MYO3A: variants seen among roughly 807,000 people sequenced by gnomAD.
The protein encoded by MYO3A is myosin IIIA, also known as myosin-IIIa.
Under a neutral mutation model 192.7 loss-of-function variants are expected in MYO3A, and 180 were observed. The observed-to-expected ratio is 0.93, with a 90% confidence interval of 0.83 to 1.06. MYO3A has a LOEUF of 1.06. Ranked by LOEUF, MYO3A falls within the 50% of genes least tolerant of loss-of-function variation. MYO3A has a pLI of 0.00. For missense variants in MYO3A, 1,896 were observed against 1,905.0 expected (o/e 1.00, Z 0.09); for synonymous variants, 628 against 645.3 (o/e 0.97, Z 0.41).
chr10:26,115,360 A>G (rs1838438279), intron 17 of MYO3A, among the ~76,000 whole-genome samples: 1 of 152,188 alleles, frequency 6.6e-6, no homozygotes, highest in African/African-American at 2.4e-5. Context: ...ATGCAACTAA[A>G]TGCAGGCAGT....
intron 10 of MYO3A, among the ~76,000 whole-genome samples, chr10:26,047,774 C>CAAAAAAAAAA (rs1423133061): frequency 6.6e-6 from 1 of 151,152 alleles, no homozygotes; most frequent in African/African-American, 2.5e-5. Flanking sequence ...GACTCCATCT[C>CAAAAAAAAAA]AATAAAAAAA....
intron 11 of MYO3A, 23 bp from the exon 12 acceptor site, chr10:26,068,745 G>A (rs759037270): frequency 7.0e-7 from 1 of 1,431,328 alleles, no homozygotes; most frequent in Non-Finnish European, 9.8e-7. Flanking sequence ...TTAAGAAGGA[G>A]AAATTATTTT....
rs1324359097 is a variant in MYO3A, at chr10:26,078,986, C to T, written c.1359+8585C>T. On this transcript the variant is annotated intron_variant, in intron 14 of 34. Transcript: ENST00000642920. ...ACTGTTGAATAGAATGTATATTCTGCGGTTGTTGGATGAAATGTTCTGTAT... is the reference window on the plus strand; with the variant it reads ...ACTGTTGAATAGAATGTATATTCTGTGGTTGTTGGATGAAATGTTCTGTAT... Among the ~76,000 whole-genome samples the T allele has an allele frequency of 5.3e-5, 8 of 151,988 alleles. No individual in the cohort carries two copies. The South Asian group carries it at 6.2e-4, about 12-fold the overall frequency.
chr10:26,039,408 G>A (rs764202783), intron 10 of MYO3A, among the ~76,000 whole-genome samples: 4 of 151,846 alleles, frequency 2.6e-5, no homozygotes, highest in Non-Finnish European at 4.4e-5. Context: ...TTGTGATATT[G>A]CCCTATAGGC....
intron 14 of MYO3A, among the ~76,000 whole-genome samples, chr10:26,077,233 GTTTTTTTTTTT>G (rs34464120): frequency 8.3e-5 from 3 of 36,286 alleles, no homozygotes; most frequent in Non-Finnish European, 1.6e-4. Context: ...TATTCCTAAG[GTTTTTTTTTTT>G]TTTTTTTTTT....
At chr10:26,022,092 G>A (rs1842336638) in intron 8 of MYO3A, 1 of 152,788 alleles carries the variant, frequency 6.5e-6, no homozygotes. Flanking sequence ...AATTTATCCA[G>A]AAAATAATGG....
At chr10:26,000,312 T>C (rs1014944062) in intron 6 of MYO3A, among the ~76,000 whole-genome samples, 19 of 152,236 alleles carry the variant, frequency 1.2e-4, no homozygotes, top group African/African-American at 4.3e-4. Context: ...ACTTGGAAAA[T>C]ACTTCGAAAT....
At position 26,024,022 on chromosome 10, in the gene MYO3A, G is replaced by A. The variant is rs1312157309; in HGVS notation, c.732G>A (p.Arg244=). ...CCAACATTGATTCTTATTTTTCTAG[G>A]AATCCACCCCCAAAACTAAGGCAGC... The part of the protein sequence containing the change: ...HPMRALFKIP[R]NPPPKLRQPE... The change falls in exon 9 of 35, where the codon AGG becomes AGA. Residue 244 remains arginine (R), a splice_region_variant and synonymous_variant. Transcript: ENST00000642920. 1 of 1,612,118 alleles carries A rather than the reference G, an allele frequency of 6.2e-7. No homozygotes were observed. The highest frequency in any genetic ancestry group is 8.5e-7 in the Non-Finnish European group (1 of 1,178,450).
At chr10:26,203,883 A>G (rs1843788757) in intron 34 of MYO3A, among the ~76,000 whole-genome samples, 1 of 152,170 alleles carries the variant, frequency 6.6e-6, no homozygotes, top group Admixed American at 6.5e-5. Flanking sequence ...TTGGATCCTG[A>G]TCCTGCTGCT....
intron 4 of MYO3A, among the ~76,000 whole-genome samples, chr10:25,979,986 C>G (rs1006405099): frequency 6.6e-6 from 1 of 152,150 alleles, no homozygotes; most frequent in African/African-American, 2.4e-5. Context: ...CCTGTAATCC[C>G]AGCACTTTGG....
chr10:26,162,321 A>G (rs1841524176), intron 26 of MYO3A, among the ~76,000 whole-genome samples: 1 of 152,256 alleles, frequency 6.6e-6, no homozygotes, highest in Non-Finnish European at 1.5e-5. Context: ...TAATACATAA[A>G]ACACAGCAAA....
At chr10:25,988,670 A>G (rs1333654558) in intron 4 of MYO3A, among the ~76,000 whole-genome samples, 1 of 152,184 alleles carries the variant, frequency 6.6e-6, no homozygotes, top group Admixed American at 6.5e-5. Context: ...ATTGCCAAAA[A>G]CAATTAAAAT....
rs183020680 is a variant in MYO3A at position 26,062,950 on chromosome 10, G to A, written c.954-4025G>A. 2.6e-5 allele frequency among the ~76,000 whole-genome samples: 4 copies of A among 152,318 alleles called. No individual in the cohort carries two copies. The East Asian group carries it at 5.8e-4, about 22-fold the overall frequency. On this transcript the variant is annotated intron_variant, in intron 10 of 34. Coordinates refer to ENST00000642920, the MANE Select transcript of MYO3A (RefSeq NM_017433.5). ...GATAAAAGGGAAGGAACTTGAGTGAGTTTGTATTAGCTCCCATTGAAGAAG... is the reference window on the plus strand; with the variant it reads ...GATAAAAGGGAAGGAACTTGAGTGAATTTGTATTAGCTCCCATTGAAGAAG...
chr10:26,104,214 GT>G (rs1190471383), intron 17 of MYO3A, among the ~76,000 whole-genome samples: 2 of 151,890 alleles, frequency 1.3e-5, no homozygotes, highest in Non-Finnish European at 2.9e-5. Flanking sequence ...CAGTTTATCT[GT>G]TTTTTCTTTT....
At position 26,212,170 on chromosome 10, in the gene MYO3A, C is replaced by A. The variant is rs1005656192; in HGVS notation, c.*207C>A. ...AGACCTGGGAGCCCTCGGGAAACCT[C>A]CCCCGACGCTCTCTCTCGGAACTCC... is the stretch of plus-strand genomic sequence containing the variant. On this transcript the variant is annotated 3_prime_UTR_variant, in exon 35 of 35. Coordinates refer to ENST00000642920, the MANE Select transcript of MYO3A (RefSeq NM_017433.5). 6.1e-5 allele frequency: 41 copies of A among 676,396 alleles called. No individual in the cohort carries two copies. The African/African-American group carries it at 6.7e-4, about 11-fold the overall frequency. 41.9% of individuals were successfully genotyped at this position (676,396 alleles called of 1,614,324 possible). A position where few individuals can be genotyped will look rare whatever the true frequency, so the allele number is the denominator to read the frequency against.
intron 17 of MYO3A, among the ~76,000 whole-genome samples, chr10:26,099,856 A>G (rs1274721663): frequency 6.6e-6 from 1 of 152,196 alleles, no homozygotes; most frequent in Non-Finnish European, 1.5e-5. Flanking sequence ...TATCAGGGAT[A>G]TTGATCTAAA....
chr10:25,996,415 C>A, intron 4 of MYO3A, 75 bp from the exon 5 acceptor site: 1 of 1,234,434 alleles, frequency 8.1e-7, no homozygotes, highest in Non-Finnish European at 1.2e-6. Flanking sequence ...TTAAAAATGT[C>A]TTGGAAGAAC....
intron 17 of MYO3A, among the ~76,000 whole-genome samples, chr10:26,101,061 T>C (rs1179953967): frequency 6.6e-6 from 1 of 152,232 alleles, no homozygotes; most frequent in African/African-American, 2.4e-5. Context: ...AAAGACTTGC[T>C]TTATGAATCT....
At chr10:26,178,691 A>C (rs1842454429) in intron 31 of MYO3A, among the ~76,000 whole-genome samples, 1 of 152,224 alleles carries the variant, frequency 6.6e-6, no homozygotes, top group Admixed American at 6.5e-5. Context: ...ATCTGTTTTC[A>C]AAAGGGAACT....
Sources: allele counts gnomAD v4.1 joint callset (sites outside exome capture counted in the v4.1 genomes callset), GRCh38; gene constraint gnomAD v4.1.1; transcripts MANE v1.5; gene names NCBI Gene and HGNC (gene_info 2026-07-23, HGNC 2026-07-21).